The following PHACTR1 variants were observed in gnomAD, a reference collection of about 807,000 sequenced individuals.
The protein encoded by PHACTR1 is phosphatase and actin regulator 1, also known as RPEL repeat containing 1.
In PHACTR1, 16 loss-of-function variants were observed where a neutral mutation model predicts 69.2. The observed-to-expected ratio is 0.23, with a 90% CI of 0.16 to 0.35. The LOEUF (loss-of-function observed/expected upper bound fraction) is 0.35, where lower values mean the gene tolerates loss of function less well. PHACTR1 is among the 10% of genes least tolerant of loss of function. The pLI, the probability that PHACTR1 is intolerant of heterozygous loss-of-function variation, is 1.00. For synonymous variants in PHACTR1, 312 were observed against 284.5 expected, an observed-to-expected ratio of 1.10 and a Z score of -0.97; for missense variants, 510 against 734.7, an observed-to-expected ratio of 0.69 and a Z score of 3.54.
intron 8 of PHACTR1, among the ~76,000 whole-genome samples, chr6:13,206,431 A>C (rs9473684): frequency 0.029 from 4,395 of 152,294 alleles, 218 homozygotes; most frequent in African/African-American, 0.1. Context: ...GGTTCGTGAA[A>C]ATTGCAACTT....
intron 4 of PHACTR1, among the ~76,000 whole-genome samples, chr6:12,805,438 T>C (rs1444552682): frequency 6.6e-6 from 1 of 152,150 alleles, no homozygotes; most frequent in Non-Finnish European, 1.5e-5. Context: ...TCGTCACCAC[T>C]CAGCAGCCTC....
At chr6:12,965,715 A>G (rs937169703) in intron 4 of PHACTR1, among the ~76,000 whole-genome samples, 1 of 152,168 alleles carries the variant, frequency 6.6e-6, no homozygotes, top group Non-Finnish European at 1.5e-5. Context: ...AGGTACGTAC[A>G]GGTGGGCTGA....
chr6:12,962,449 C>G (rs899032411), intron 4 of PHACTR1, among the ~76,000 whole-genome samples: 1 of 152,150 alleles, frequency 6.6e-6, no homozygotes, highest in African/African-American at 2.4e-5. Context: ...ATGCATTCTT[C>G]TTGTTTTAGG....
intron 5 of PHACTR1, among the ~76,000 whole-genome samples, chr6:13,158,271 A>T (rs1356528342): frequency 2.6e-5 from 4 of 152,136 alleles, no homozygotes; most frequent in Admixed American, 6.5e-5. Flanking sequence ...CCAAGCTCTG[A>T]ATAGAACATC....
intron 4 of PHACTR1, among the ~76,000 whole-genome samples, chr6:12,764,538 T>C (rs1768386722): frequency 6.6e-6 from 1 of 152,212 alleles, no homozygotes; most frequent in Admixed American, 6.5e-5. Context: ...AGTCCTTCAT[T>C]TCTGTAAACC....
At chr6:13,067,128 C>G (rs1808770007) in intron 5 of PHACTR1, among the ~76,000 whole-genome samples, 1 of 152,312 alleles carries the variant, frequency 6.6e-6, no homozygotes, top group Non-Finnish European at 1.5e-5. Flanking sequence ...ACAGCAGGAG[C>G]AATCTTCTGT....
In PHACTR1 at chr6:13,158,754, C is replaced by T. The variant is rs949132601; in HGVS notation, c.416-1450C>T. On this transcript the variant is annotated intron_variant, in intron 5 of 14. Coordinates refer to ENST00000332995, the MANE Select transcript of PHACTR1 (RefSeq NM_030948.6). ...GCAAAGTGACTTGACTAAGGTCACT[C>T]GACTCATGTCCCATAGCTTAGAGGG... Among the ~76,000 whole-genome samples the T allele has an allele frequency of 3.3e-5, 5 of 152,194 alleles. 1 individual carries two copies. Among genetic ancestry groups the T allele is most frequent in the South Asian group, 4.1e-4 (2 of 4,836 alleles).
chr6:13,208,633 C>A (rs1014558343), intron 8 of PHACTR1, among the ~76,000 whole-genome samples: 15 of 150,404 alleles, frequency 1.0e-4, no homozygotes, highest in Non-Finnish European at 1.6e-4. Context: ...TGCTGCCCAC[C>A]CCCCCAACCC....
chr6:12,760,016 G>A lies in PHACTR1; in HGVS notation c.250+10226G>A, dbSNP rs535909458. Among the ~76,000 whole-genome samples the A allele has an allele frequency of 8.0e-4, 122 of 152,330 alleles. 3 individuals carry two copies. The highest frequency in any genetic ancestry group is 7.8e-3 in the Admixed American group (119 of 15,294). ...TTATCTTACAGAGTTGTTCTAAAGAGCAAATAATTAAATAAGTGTAAAGCA... is the reference window on the plus strand; with the variant it reads ...TTATCTTACAGAGTTGTTCTAAAGAACAAATAATTAAATAAGTGTAAAGCA... On this transcript the variant is annotated intron_variant, in intron 4 of 14. Transcript: ENST00000332995.
Position 13,283,718 on chromosome 6 carries a change from C to A in PHACTR1, c.1650+156C>A. The A allele has an allele frequency of 9.3e-7, 1 of 1,072,510 alleles. No homozygotes were observed. The highest frequency in any genetic ancestry group is 1.4e-6 in the Non-Finnish European group (1 of 733,796). 66.4% of individuals were successfully genotyped at this position (1,072,510 alleles called of 1,614,324 possible). On this transcript the variant is annotated intron_variant, in intron 13 of 14. Transcript: ENST00000332995. The surrounding 1 kb of genome is among the most constrained non-coding windows in gnomAD (Gnocchi z 4.7). ...GACCCCAACACCTTTCCCCAGGGGC[C>A]ACAGATAATCTGCGGAAAGGCTGCT...
At chr6:13,030,825 G>T (rs983470701) in intron 4 of PHACTR1, among the ~76,000 whole-genome samples, 1 of 152,194 alleles carries the variant, frequency 6.6e-6, no homozygotes, top group African/African-American at 2.4e-5. Context: ...ACTCAACTAG[G>T]TCTAGTTTCT....
intron 4 of PHACTR1, among the ~76,000 whole-genome samples, chr6:12,950,131 TC>T (rs912654135): frequency 1.5e-4 from 23 of 152,252 alleles, no homozygotes; most frequent in African/African-American, 5.3e-4. Flanking sequence ...CCTGAGTGGT[TC>T]TTGTTTCAGT....
chr6:13,249,797 C>CA (rs5874406), intron 10 of PHACTR1, among the ~76,000 whole-genome samples: 21,325 of 79,600 alleles, frequency 0.27, 2,582 homozygotes, highest in South Asian at 0.49. Flanking sequence ...AACTCCGTCT[C>CA]AAAAAAAAAA....
At chr6:13,237,919 T>A (rs1423568725) in intron 10 of PHACTR1, among the ~76,000 whole-genome samples, 1 of 152,246 alleles carries the variant, frequency 6.6e-6, no homozygotes, top group East Asian at 1.9e-4. Flanking sequence ...TACAGTATTA[T>A]AATATTTTGG....
chr6:13,232,763 G>A (rs555016198), intron 10 of PHACTR1, among the ~76,000 whole-genome samples: 5 of 151,972 alleles, frequency 3.3e-5, no homozygotes, highest in African/African-American at 1.2e-4. Flanking sequence ...GGTGGTTGGG[G>A]TGGGTGGGTG....
At chr6:13,132,851 C>T (rs1820692595) in intron 5 of PHACTR1, among the ~76,000 whole-genome samples, 1 of 151,884 alleles carries the variant, frequency 6.6e-6, no homozygotes, top group African/African-American at 2.4e-5. Context: ...AAGGTTGGGG[C>T]GGCTGTGGCA....
chr6:12,986,995 T>C (rs183231276), intron 4 of PHACTR1, among the ~76,000 whole-genome samples: 1 of 152,320 alleles, frequency 6.6e-6, no homozygotes. Flanking sequence ...TATAAGACTG[T>C]CATCTGTGCA....
intron 4 of PHACTR1, among the ~76,000 whole-genome samples, chr6:12,896,811 T>A (rs1784717351): frequency 6.6e-6 from 1 of 152,228 alleles, no homozygotes; most frequent in African/African-American, 2.4e-5. Context: ...TTTCTTGCCT[T>A]TTAAGTGTCC....
chr6:13,254,507 T>C (rs190371542), intron 10 of PHACTR1, among the ~76,000 whole-genome samples: 243 of 152,332 alleles, frequency 1.6e-3, no homozygotes, highest in African/African-American at 5.5e-3. Context: ...TATATGACTA[T>C]CAAAGCAAGT....
Sources: allele counts gnomAD v4.1 joint callset (sites outside exome capture counted in the v4.1 genomes callset), GRCh38; gene constraint gnomAD v4.1.1; non-coding constraint Gnocchi (gnomAD v3.1); transcripts MANE v1.5; gene names NCBI Gene and HGNC (gene_info 2026-07-23, HGNC 2026-07-21).